The following DDX10 variants were observed in gnomAD, a reference collection of about 807,000 sequenced individuals.
DDX10 encodes DEAD-box helicase 10, also known as probable ATP-dependent RNA helicase DDX10.
Under a neutral mutation model 104.3 loss-of-function variants are expected in DDX10, and 74 were observed. The ratio of observed to expected loss-of-function variants is 0.71; its 90% confidence interval spans 0.59 to 0.86. The LOEUF (loss-of-function observed/expected upper bound fraction) is 0.86. DDX10 is among the 40% of genes least tolerant of loss of function. DDX10 has a pLI of 0.00. For missense variants in DDX10, 952 were observed against 1,040.0 expected, an observed-to-expected ratio of 0.92 and a Z score of 1.16; for synonymous variants, 351 against 353.4, an observed-to-expected ratio of 0.99 and a Z score of 0.08.
At chr11:108,705,805 T>C (rs1268828126) in intron 9 of DDX10, among the ~76,000 whole-genome samples, 1 of 152,188 alleles carries the variant, frequency 6.6e-6, no homozygotes, top group African/African-American at 2.4e-5. Context: ...CATTAAGGTA[T>C]TGGGAAAATC....
chr11:108,769,031 T>C (rs1022664791), intron 13 of DDX10, among the ~76,000 whole-genome samples: 3 of 152,166 alleles, frequency 2.0e-5, no homozygotes, highest in Non-Finnish European at 4.4e-5. Context: ...CATTGTCTTC[T>C]GGCATGTGCT....
intron 11 of DDX10, among the ~76,000 whole-genome samples, chr11:108,719,586 A>T (rs2094295723): frequency 6.6e-6 from 1 of 152,206 alleles, no homozygotes; most frequent in Admixed American, 6.5e-5. Flanking sequence ...ATTCTGGGTT[A>T]GGTTGGCTTG....
rs138613426 is a variant in DDX10 at position 108,744,502 on chromosome 11, G to T, written c.1965+21040G>T. 1.2e-4 allele frequency among the ~76,000 whole-genome samples: 19 copies of T among 152,274 alleles called. 1 individual carries two copies. The East Asian group carries it at 3.7e-3, about 29-fold the overall frequency. On this transcript the variant is annotated intron_variant, in intron 13 of 17. Transcript: ENST00000322536. Reference sequence around the variant, plus strand: ...TGTACAGACCCCAAAGTCTACTGATGAAATAATTAAAAATACTATTGAGCC... The same window carrying T: ...TGTACAGACCCCAAAGTCTACTGATTAAATAATTAAAAATACTATTGAGCC...
chr11:108,722,993 T>G lies in DDX10; in HGVS notation c.1500-4T>G, dbSNP rs770935008. On this transcript the variant is annotated splice_region_variant and splice_polypyrimidine_tract_variant and intron_variant, in intron 12 of 17. Transcript: ENST00000322536. ...GACTGTTTTCACGTTTTTCCATATT[T>G]AAGGTCTCTTGGTCTTGCTGTGGCA... The G allele has an allele frequency of 2.5e-6, 4 of 1,592,122 alleles. No individual in the cohort carries two copies. The highest frequency in any genetic ancestry group is 3.4e-6 in the Non-Finnish European group (4 of 1,172,484).
At chr11:108,716,105 T>A in intron 11 of DDX10, 139 bp downstream of exon 11, 1 of 630,288 alleles carries the variant, frequency 1.6e-6, no homozygotes, top group Non-Finnish European at 2.9e-6. Context: ...CTAGCTTATT[T>A]TTTTTTTTGA....
intron 1 of DDX10, among the ~76,000 whole-genome samples, chr11:108,668,827 T>C (rs1169732851): frequency 6.6e-6 from 1 of 152,208 alleles, no homozygotes; most frequent in East Asian, 1.9e-4. Flanking sequence ...AGTAAGTTTG[T>C]AACATGTACC....
chr11:108,855,987 T>C (rs566002405), intron 16 of DDX10, among the ~76,000 whole-genome samples: 14 of 152,216 alleles, frequency 9.2e-5, no homozygotes, highest in Non-Finnish European at 2.1e-4. Flanking sequence ...TATTTTTTGG[T>C]TTGTACTGTG....
intron 17 of DDX10, among the ~76,000 whole-genome samples, chr11:108,931,803 T>C (rs1034078494): frequency 1.3e-5 from 2 of 152,164 alleles, no homozygotes; most frequent in Non-Finnish European, 2.9e-5. Context: ...TAATTTTGTC[T>C]TCAGATCCTG....
intron 13 of DDX10, among the ~76,000 whole-genome samples, chr11:108,826,183 G>A (rs978347691): frequency 2.0e-5 from 3 of 151,814 alleles, no homozygotes; most frequent in Non-Finnish European, 2.9e-5. Context: ...TTTTAAATTG[G>A]TACATTTATT....
chr11:108,758,043 C>A (rs1209387204), intron 13 of DDX10, among the ~76,000 whole-genome samples: 2 of 151,966 alleles, frequency 1.3e-5, no homozygotes, highest in African/African-American at 2.4e-5. Context: ...TCTTCTTTTA[C>A]GCCATAGTGG....
In DDX10 at chr11:108,908,823, C is replaced by CT. The variant is rs149408980; in HGVS notation, c.2305-9049dup. On this transcript the variant is annotated intron_variant, in intron 16 of 17. Transcript: ENST00000322536. ...AGGGTGTTACTGTGTGCCAGGTACT[C>CT]TAAGTGCTTTACCTATGTTGTTTCA... Among the ~76,000 whole-genome samples, 243 of 152,322 alleles carry CT rather than the reference C, an allele frequency of 1.6e-3. 2 individuals carry two copies. Among genetic ancestry groups the CT allele is most frequent in the African/African-American group, 5.4e-3 (224 of 41,576 alleles).
intron 13 of DDX10, among the ~76,000 whole-genome samples, chr11:108,802,010 GGT>G (rs111450290): frequency 1.2e-4 from 17 of 142,046 alleles, no homozygotes; most frequent in South Asian, 4.5e-4. Flanking sequence ...AAGTGAGTGG[GGT>G]GTGTGTGTGT....
intron 16 of DDX10, among the ~76,000 whole-genome samples, chr11:108,890,471 G>C: frequency 6.6e-6 from 1 of 151,744 alleles, no homozygotes; most frequent in Non-Finnish European, 1.5e-5. Context: ...CAAGTCCTCT[G>C]AGTGTTACCT....
chr11:108,752,898 C>G (rs1360526008), intron 13 of DDX10, among the ~76,000 whole-genome samples: 1 of 151,988 alleles, frequency 6.6e-6, no homozygotes, highest in Non-Finnish European at 1.5e-5. Flanking sequence ...TGCTAGATTT[C>G]GAGCCACTGC....
intron 13 of DDX10, among the ~76,000 whole-genome samples, chr11:108,741,382 G>A (rs1019109269): frequency 1.3e-5 from 2 of 152,056 alleles, no homozygotes; most frequent in African/African-American, 4.8e-5. Context: ...CATTGAATCT[G>A]TAAATTGTTT....
Position 108,897,149 on chromosome 11 carries a change from A to G in DDX10, c.2305-20724A>G, listed in dbSNP as rs1243723751. ...TTTATGACTTAACCAAGGAAGCACA[A>G]ATTATCTCCAAAGAGGCGGAAAGCA... On this transcript the variant is annotated intron_variant, in intron 16 of 17. Coordinates refer to ENST00000322536, the MANE Select transcript of DDX10 (RefSeq NM_004398.4). Among the ~76,000 whole-genome samples the G allele has an allele frequency of 2.6e-5, 4 of 152,170 alleles. No homozygotes were observed. The East Asian group carries it at 5.8e-4, about 22-fold the overall frequency.
chr11:108,665,357 G>C lies in DDX10; in HGVS notation c.186+18G>C, dbSNP rs376748992. 1.3e-6 allele frequency: 2 copies of C among 1,551,820 alleles called. No homozygotes were observed. The highest frequency in any genetic ancestry group is 1.7e-6 in the Non-Finnish European group (2 of 1,147,954). Reference sequence around the variant, plus strand: ...ATGAAAAGGTGAGGCCGGCGCTGGGGAGGGGGCTCGGGCCGGCCAGCAGCG... The same window carrying C: ...ATGAAAAGGTGAGGCCGGCGCTGGGCAGGGGGCTCGGGCCGGCCAGCAGCG... On this transcript the variant is annotated intron_variant, in intron 1 of 17. Coordinates refer to ENST00000322536, the MANE Select transcript of DDX10 (RefSeq NM_004398.4).
intron 16 of DDX10, among the ~76,000 whole-genome samples, chr11:108,900,883 T>C (rs765163884): frequency 2.6e-5 from 4 of 152,174 alleles, no homozygotes; most frequent in Non-Finnish European, 5.9e-5. Context: ...GTATCTACCT[T>C]GTATGTGCCT....
intron 13 of DDX10, among the ~76,000 whole-genome samples, chr11:108,836,612 G>A (rs986702884): frequency 4.6e-5 from 7 of 152,066 alleles, no homozygotes; most frequent in African/African-American, 7.2e-5. Context: ...TCAGCCTCCT[G>A]AGTAGCTGGG....
Sources: allele counts gnomAD v4.1 joint callset (sites outside exome capture counted in the v4.1 genomes callset), GRCh38; gene constraint gnomAD v4.1.1; transcripts MANE v1.5; gene names NCBI Gene and HGNC (gene_info 2026-07-23, HGNC 2026-07-21).